Variants in VPS13D observed in about 807,000 individuals in gnomAD.
The protein encoded by VPS13D is vacuolar protein sorting 13 homolog D, also known as intermembrane lipid transfer protein VPS13D.
VPS13D carries 187 observed loss-of-function variants against 461.9 expected under a neutral mutation model. The ratio of observed to expected loss-of-function variants is 0.40; its 90% CI spans 0.36 to 0.46. VPS13D has a LOEUF of 0.46. Among genes scored for constraint, VPS13D ranks in the 20% least tolerant of loss-of-function variants. VPS13D has a pLI of 0.60. For synonymous variants in VPS13D, 1,951 were observed against 1,986.3 expected (o/e 0.98, Z 0.47); for missense variants, 4,711 against 5,364.9 (o/e 0.88, Z 3.81).
In VPS13D at chr1:12,283,611, T is replaced by C; in HGVS notation, c.5509T>C (p.Ser1837Pro). The change falls in exon 21 of 70, where the codon TCC becomes CCC. Residue 1837 changes from serine (S) to proline (P), a missense_variant. Physicochemically the swap from Ser to Pro is moderately conservative, Grantham distance 74. Transcript: ENST00000620676. ...VVILDFFGIG[S>P]TADNHAMRLP... ...GATATTAGACTTTTTTGGAATCGGC[T>C]CCACTGCAGACAACCACGCAATGAG... 6.2e-7 allele frequency: 1 copy of C among 1,614,180 alleles called. No individual in the cohort carries two copies. The highest frequency in any genetic ancestry group is 1.1e-5 in the South Asian group (1 of 91,082).
At chr1:12,288,401 C>A in intron 22 of VPS13D, 88 bp downstream of exon 22, 2 of 1,194,172 alleles carry the variant, frequency 1.7e-6, no homozygotes, top group South Asian at 1.2e-5. Flanking sequence ...TCCTCACGTG[C>A]TGAGTAAGGT....
At position 12,283,556 on chromosome 1, in the gene VPS13D, T is replaced by G; in HGVS notation, c.5454T>G (p.Asp1818Glu). 6.2e-7 allele frequency: 1 copy of G among 1,614,242 alleles called. No individual in the cohort carries two copies. Among genetic ancestry groups the G allele is most frequent in the Non-Finnish European group, 8.5e-7 (1 of 1,180,030 alleles). The change falls in exon 21 of 70, where the codon GAT becomes GAG. Residue 1818 changes from aspartate (D) to glutamate (E), a missense_variant. Physicochemically the swap from Asp to Glu is conservative, Grantham distance 45. Around this residue, in one of 3 missense-constraint regions of VPS13D, gnomAD observed 4,411 missense variants for 4,937.8 expected, o/e 0.89. Transcript: ENST00000620676. ...TTGATGTTGATTTTAATTGCTTGGA[T>G]GTGCTGATCACACTGCAAACCTGGG... Reference protein sequence around the residue: ...RSIDVDFNCLDVLITLQTWVV... With the variant: ...RSIDVDFNCLEVLITLQTWVV...
intron 18 of VPS13D, among the ~76,000 whole-genome samples, chr1:12,274,956 C>T (rs1167537504): frequency 1.3e-5 from 2 of 151,100 alleles, no homozygotes; most frequent in African/African-American, 4.9e-5. Context: ...CGGTGGCTCA[C>T]GCCTGTAATC....
intron 10 of VPS13D, among the ~76,000 whole-genome samples, chr1:12,260,266 C>A (rs1244949736): frequency 6.6e-6 from 1 of 151,958 alleles, no homozygotes. Flanking sequence ...ACCTCGTGAT[C>A]CGCCCATCTC....
At chr1:12,262,157 T>G (rs1463799319) in intron 13 of VPS13D, 77 bp downstream of exon 13, 8 of 1,487,508 alleles carry the variant, frequency 5.4e-6, no homozygotes, top group African/African-American at 1.4e-5. Flanking sequence ...CATTATTTGC[T>G]GTGGGGATAG....
intron 52 of VPS13D, among the ~76,000 whole-genome samples, chr1:12,363,597 A>C (rs775795852): frequency 1.3e-5 from 2 of 152,070 alleles, no homozygotes; most frequent in Admixed American, 6.5e-5. Context: ...CTTTCATTTG[A>C]TGCTGTTCTA....
rs1643746876 is a variant in VPS13D, at chr1:12,349,367, T to C, written c.9424T>C (p.Phe3142Leu). The C allele has an allele frequency of 6.2e-7, 1 of 1,613,934 alleles. No individual in the cohort carries two copies. Among genetic ancestry groups the C allele is most frequent in the South Asian group, 1.1e-5 (1 of 91,090 alleles). ...CHSMDTEKSR[F>L]FRFCVAIKKE... is the part of the protein sequence containing the mutation. ...CTCTATGGACACAGAAAAAAGCCGA[T>C]TTTTCAGGTATGTAGCACCACTGCA... is the stretch of plus-strand genomic sequence containing the variant. The change falls in exon 46 of 70, where the codon TTT (phenylalanine) becomes CTT (leucine). Residue 3142 changes from phenylalanine (F) to leucine (L), a missense_variant. This residue lies in a region of VPS13D where 4,411 missense variants were observed against 4,937.8 expected (regional missense o/e 0.89). Transcript: ENST00000620676.
rs1286508081 is a variant in VPS13D, at chr1:12,242,495, T to C, written c.98-18T>C. The C allele has an allele frequency of 5.0e-6, 8 of 1,608,966 alleles. No homozygotes were observed. The highest frequency in any genetic ancestry group is 3.3e-5 in the Admixed American group (2 of 60,006). ...TATTTGTTAAATGGATATTTCATGA[T>C]GCTGTTTTTATTTTTAGGTGCTGTT... On this transcript the variant is annotated intron_variant, in intron 2 of 69. Coordinates refer to ENST00000620676, the MANE Select transcript of VPS13D (RefSeq NM_015378.4).
In VPS13D at chr1:12,282,379, C is replaced by T. The variant is rs117772643; in HGVS notation, c.4603-326C>T. On this transcript the variant is annotated intron_variant, in intron 20 of 69. Coordinates refer to ENST00000620676, the MANE Select transcript of VPS13D (RefSeq NM_015378.4). ...GTTTCTCAATCCTGTGGTGTATCCA[C>T]GCCAGACTTTTGTCAACACTCTTCA... 7.6e-3 allele frequency among the ~76,000 whole-genome samples: 1,151 copies of T among 152,266 alleles called. 10 individuals carry two copies. The highest frequency in any genetic ancestry group is 0.024 in the South Asian group (117 of 4,826).
intron 52 of VPS13D, among the ~76,000 whole-genome samples, chr1:12,364,314 T>C (rs544462713): frequency 2.6e-5 from 4 of 152,166 alleles, no homozygotes; most frequent in Non-Finnish European, 5.9e-5. Context: ...TCATACGGTA[T>C]TTGTCTTTTT....
At position 12,271,107 on chromosome 1, in the gene VPS13D, C is replaced by G. The variant is rs1376580838; in HGVS notation, c.2086C>G (p.Leu696Val). Residue 696 changes from leucine to valine, a missense_variant, in exon 17 of 70, where the codon CTA becomes GTA. This residue lies in a region of VPS13D where 4,411 missense variants were observed against 4,937.8 expected (regional missense o/e 0.89). Coordinates refer to ENST00000620676, the MANE Select transcript of VPS13D (RefSeq NM_015378.4). Reference protein sequence around the residue: ...AEIRQTLDRLLVGDFIEESKR... With the variant: ...AEIRQTLDRLVVGDFIEESKR... ...AATCCGGCAAACTCTTGATCGTTTG[C>G]TAGTGGGTGATTTCATTGTAAGTGG... The G allele has an allele frequency of 2.5e-6, 4 of 1,613,896 alleles. No homozygotes were observed. The highest frequency in any genetic ancestry group is 3.4e-6 in the Non-Finnish European group (4 of 1,179,934).
intron 67 of VPS13D, among the ~76,000 whole-genome samples, chr1:12,481,342 G>A (rs969550201): frequency 3.3e-5 from 5 of 152,068 alleles, no homozygotes; most frequent in African/African-American, 9.7e-5. Context: ...TTTCCCCTCC[G>A]TGCCCAACCC....
intron 68 of VPS13D, chr1:12,500,133 G>A (rs1273383927): frequency 1.0e-6 from 1 of 985,240 alleles, no homozygotes; most frequent in African/African-American, 1.7e-5. Context: ...GTGCCTTGGT[G>A]ACTTCAACTT....
At position 12,430,536 on chromosome 1, in the gene VPS13D, C is replaced by T. The variant is rs184408135; in HGVS notation, c.12333+13709C>T. On this transcript the variant is annotated intron_variant, in intron 65 of 69. Transcript: ENST00000620676. The stretch of plus-strand genomic sequence containing the variant: ...AGCAGGTTAGGTATGATTATCATTT[C>T]CCTTCCAGTGATGGGAAATTAAGTT... Among the ~76,000 whole-genome samples the T allele has an allele frequency of 1.9e-3, 295 of 152,332 alleles. 2 individuals are homozygous for T. Among genetic ancestry groups the T allele is most frequent in the African/African-American group, 6.6e-3 (274 of 41,580 alleles).
intron 13 of VPS13D, among the ~76,000 whole-genome samples, chr1:12,266,432 A>T (rs1021741780): frequency 6.6e-6 from 1 of 152,256 alleles, no homozygotes; most frequent in Non-Finnish European, 1.5e-5. Context: ...CCACGCCTTG[A>T]TCAGTCAGCA....
At chr1:12,430,190 G>T (rs1482775932) in intron 65 of VPS13D, among the ~76,000 whole-genome samples, 3 of 152,150 alleles carry the variant, frequency 2.0e-5, no homozygotes, top group African/African-American at 7.2e-5. Context: ...TATAAAAGAG[G>T]AGGCACTCAT....
chr1:12,339,589 G>A (rs541033868), intron 40 of VPS13D, among the ~76,000 whole-genome samples: 3 of 152,316 alleles, frequency 2.0e-5, no homozygotes, highest in African/African-American at 4.8e-5. Context: ...AGGGAATAAT[G>A]TTCTCTTTGA....
chr1:12,479,297 C>T (rs1310923397), intron 67 of VPS13D, among the ~76,000 whole-genome samples: 1 of 152,212 alleles, frequency 6.6e-6, no homozygotes, highest in Non-Finnish European at 1.5e-5. Context: ...TGTCCATCAG[C>T]CAGTCACGTT....
chr1:12,253,965 A>G, intron 7 of VPS13D, 139 bp downstream of exon 7: 2 of 661,262 alleles, frequency 3.0e-6, no homozygotes, highest in East Asian at 5.4e-5. Flanking sequence ...TTCACTCTCA[A>G]GTGTGTTTGC....
Sources: allele counts gnomAD v4.1 joint callset (sites outside exome capture counted in the v4.1 genomes callset), GRCh38; gene constraint gnomAD v4.1.1; regional missense constraint gnomAD v4.1.1; transcripts MANE v1.5; gene names NCBI Gene and HGNC (gene_info 2026-07-23, HGNC 2026-07-21).